Variants in TBC1D1 observed in about 807,000 individuals in gnomAD.
The protein encoded by TBC1D1 is TBC1 (tre-2/USP6, BUB2, cdc16) domain family, member 1.
A neutral mutation model predicts 125.6 loss-of-function variants in TBC1D1; 89 were observed. That is an observed-to-expected ratio of 0.71 (90% CI 0.60 to 0.85). The LOEUF is 0.85. Among genes scored for constraint, TBC1D1 ranks in the 40% least tolerant of loss-of-function variants. TBC1D1 has a pLI of 0.00. For synonymous variants in TBC1D1, 565 were observed against 564.1 expected (o/e 1.00, Z -0.02); for missense variants, 1,377 against 1,469.2 (o/e 0.94, Z 1.03).
At chr4:37,993,872 G>A (rs1238408721) in intron 2 of TBC1D1, among the ~76,000 whole-genome samples, 9 of 152,224 alleles carry the variant, frequency 5.9e-5, no homozygotes, top group Admixed American at 5.2e-4. Context: ...GTGAGCCACC[G>A]CGCCCGGCCA....
At position 38,113,168 on chromosome 4, in the gene TBC1D1, G is replaced by A. The variant is rs74725590; in HGVS notation, c.2558-2542G>A. Among the ~76,000 whole-genome samples, 10 of 152,268 alleles carry A rather than the reference G, an allele frequency of 6.6e-5. No individual in the cohort carries two copies. In the East Asian group the frequency reaches 1.9e-3, roughly 29 times the overall value. On this transcript the variant is annotated intron_variant, in intron 15 of 19. Transcript: ENST00000261439. ...AGATGAAAATGCAGAACCCTTTCTT[G>A]AAAGATTATTAGGAATTTCAAGACA...
intron 15 of TBC1D1, chr4:38,110,150 A>G (rs1197834318): frequency 1.0e-6 from 1 of 964,752 alleles, no homozygotes; most frequent in East Asian, 1.1e-4. Context: ...AACAGAGCCG[A>G]GATATCAGGA....
chr4:38,045,952 G>A lies in TBC1D1; in HGVS notation c.1629+49G>A, dbSNP rs1211664682. 5 of 1,516,120 alleles carry A rather than the reference G, an allele frequency of 3.3e-6. No homozygotes were observed. The Admixed American group carries it at 6.7e-5, about 20-fold the overall frequency. 93.9% of individuals were successfully genotyped at this position (1,516,120 alleles called of 1,614,324 possible). The stretch of plus-strand genomic sequence containing the variant: ...ACACCCTGAAGAAACCAACAAATAG[G>A]TCTTGCTCATCTCCTGTCTACATAC... On this transcript the variant is annotated intron_variant, in intron 10 of 19. Coordinates refer to ENST00000261439, the MANE Select transcript of TBC1D1 (RefSeq NM_015173.4).
intron 2 of TBC1D1, among the ~76,000 whole-genome samples, chr4:37,913,071 A>G (rs1363555414): frequency 6.6e-6 from 1 of 152,174 alleles, no homozygotes; most frequent in Non-Finnish European, 1.5e-5. Flanking sequence ...CATCTTACCC[A>G]TAGTGTAATT....
intron 2 of TBC1D1, among the ~76,000 whole-genome samples, chr4:37,969,241 C>T (rs1221550972): frequency 1.3e-5 from 2 of 152,204 alleles, no homozygotes; most frequent in African/African-American, 2.4e-5. Context: ...ACTATAATTC[C>T]AATATCAATC....
chr4:37,939,608 C>G (rs1464093170), intron 2 of TBC1D1, among the ~76,000 whole-genome samples: 1 of 152,152 alleles, frequency 6.6e-6, no homozygotes, highest in Non-Finnish European at 1.5e-5. Context: ...ATGCCTATGT[C>G]CTGAATGGTA....
chr4:38,105,050 C>A (rs931619228), intron 15 of TBC1D1, among the ~76,000 whole-genome samples: 1 of 152,148 alleles, frequency 6.6e-6, no homozygotes, highest in African/African-American at 2.4e-5. Context: ...CCACCACACC[C>A]GGCCCCACTT....
At chr4:38,052,194 T>TGTGTGTGTGTGTGCGC (rs755025486) in intron 11 of TBC1D1, 134 bp downstream of exon 12, 51 of 581,496 alleles carry the variant, frequency 8.8e-5, no homozygotes, top group African/African-American at 2.0e-4. Flanking sequence ...TGTGTGTGTG[T>TGTGTGTGTGTGTGCGC]GCGCGCGCGT....
At chr4:37,921,129 AAAAAAG>A (rs1293667763) in intron 2 of TBC1D1, among the ~76,000 whole-genome samples, 2 of 148,398 alleles carry the variant, frequency 1.3e-5, no homozygotes, top group East Asian at 3.9e-4. Flanking sequence ...AAAAAAAAAA[AAAAAAG>A]AATGGAGACA....
At chr4:37,900,045 C>T (rs1381074410) in intron 1 of TBC1D1, among the ~76,000 whole-genome samples, 1 of 151,014 alleles carries the variant, frequency 6.6e-6, no homozygotes, top group Non-Finnish European at 1.5e-5. Context: ...GGCGCGAACC[C>T]GGGAGGCGGA....
intron 19 of TBC1D1, among the ~76,000 whole-genome samples, chr4:38,135,922 A>G (rs74449119): frequency 5.2e-4 from 40 of 76,842 alleles, no homozygotes; most frequent in Middle Eastern, 5.4e-3. Flanking sequence ...GTGTGTGTGT[A>G]TATGTGTGTG....
At chr4:38,083,424 T>A (rs1756921587) in intron 12 of TBC1D1, among the ~76,000 whole-genome samples, 1 of 152,222 alleles carries the variant, frequency 6.6e-6, no homozygotes, top group Non-Finnish European at 1.5e-5. Flanking sequence ...GTTCTTTACC[T>A]AAAGTGGCTC....
rs888519732 is a variant in TBC1D1 at position 38,137,646 on chromosome 4, T to C, written c.*311T>C. The C allele has an allele frequency of 3.0e-5, 9 of 295,100 alleles. No homozygotes were observed. Among genetic ancestry groups the C allele is most frequent in the African/African-American group, 8.6e-5 (4 of 46,450 alleles). The allele number at this position is 295,100 out of a possible 1,614,324, so 18.3% of individuals were successfully genotyped here. On this transcript the variant is annotated 3_prime_UTR_variant, in exon 20 of 20. Transcript: ENST00000261439. ...TTGTTGGTTCCTTTTTGAGTGTCACTGTGTTTGTAAAGAGCATTCACAATA... is the reference window on the plus strand; with the variant it reads ...TTGTTGGTTCCTTTTTGAGTGTCACCGTGTTTGTAAAGAGCATTCACAATA...
chr4:37,902,704 G>A (rs1716348849), intron 2 of TBC1D1, among the ~76,000 whole-genome samples, 192 bp downstream of exon 2: 1 of 152,208 alleles, frequency 6.6e-6, no homozygotes, highest in African/African-American at 2.4e-5. Flanking sequence ...AAACAGATAC[G>A]AGAAATTATC....
At chr4:38,056,032 G>A (rs1015926658) in intron 12 of TBC1D1, among the ~76,000 whole-genome samples, 2 of 152,230 alleles carry the variant, frequency 1.3e-5, no homozygotes, top group African/African-American at 2.4e-5. Context: ...GCCAGGATGC[G>A]TTAGGGGCCA....
chr4:38,070,296 G>T (rs1754481835), intron 12 of TBC1D1, among the ~76,000 whole-genome samples: 1 of 152,222 alleles, frequency 6.6e-6, no homozygotes, highest in South Asian at 2.1e-4. Flanking sequence ...TATTTATCCT[G>T]TAATAAGAAT....
At chr4:37,928,552 C>T (rs989053062) in intron 2 of TBC1D1, among the ~76,000 whole-genome samples, 3 of 152,164 alleles carry the variant, frequency 2.0e-5, no homozygotes, top group South Asian at 2.1e-4. Context: ...TCTTGAACAG[C>T]TTGTCTGGAT....
At chr4:37,946,409 T>G (rs1726706189) in intron 2 of TBC1D1, among the ~76,000 whole-genome samples, 1 of 152,188 alleles carries the variant, frequency 6.6e-6, no homozygotes, top group African/African-American at 2.4e-5. Context: ...TCGTTATACA[T>G]CATATGCATG....
chr4:37,905,763 C>G (rs1440866373), intron 2 of TBC1D1, among the ~76,000 whole-genome samples: 1 of 152,224 alleles, frequency 6.6e-6, no homozygotes, highest in African/African-American at 2.4e-5. Flanking sequence ...TTGACTGGAC[C>G]ACTTCTGCTC....
Sources: gnomAD v4.1 joint callset for allele counts (sites outside exome capture counted in the v4.1 genomes callset) on GRCh38, gnomAD v4.1.1 for gene constraint, MANE v1.5 for transcripts, NCBI Gene and HGNC (gene_info 2026-07-23, HGNC 2026-07-21) for gene names.